Variants in HYCC1 observed in about 807,000 individuals in gnomAD.
The protein encoded by HYCC1 is hyccin.
At chr7:22,970,491 A>T in the HYCC1 span, among the ~76,000 whole-genome samples, 1 of 152,200 alleles carries the variant, frequency 6.6e-6, no homozygotes, top group Non-Finnish European at 1.5e-5. Flanking sequence ...CTAGCAGTTG[A>T]CAGTCTATAT....
At chr7:22,984,092 A>C in the HYCC1 span, 1 of 1,126,014 alleles carries the variant, frequency 8.9e-7, no homozygotes, top group Non-Finnish European at 1.3e-6. Context: ...AAATGTCCAG[A>C]ATAGGCAAAT....
At chr7:22,995,436 C>T in the HYCC1 span, among the ~76,000 whole-genome samples, 16 of 152,162 alleles carry the variant, frequency 1.1e-4, no homozygotes, top group African/African-American at 3.9e-4. Flanking sequence ...TCCTATCTGC[C>T]TCAGCTACTC....
chr7:22,925,388 T>C, the HYCC1 span, among the ~76,000 whole-genome samples: 1 of 152,086 alleles, frequency 6.6e-6, no homozygotes, highest in Non-Finnish European at 1.5e-5. Context: ...TACTCCGAGC[T>C]AAAGGAGGAA....
chr7:23,000,607 G>T, the HYCC1 span, among the ~76,000 whole-genome samples: 1 of 151,810 alleles, frequency 6.6e-6, no homozygotes, highest in African/African-American at 2.4e-5. Context: ...TTATATTTAC[G>T]ACCTTCAACA....
At chr7:22,902,618 T>C in the HYCC1 span, among the ~76,000 whole-genome samples, 1 of 151,998 alleles carries the variant, frequency 6.6e-6, no homozygotes, top group Admixed American at 6.6e-5. Flanking sequence ...AGTCCAGAAA[T>C]ATGCCATATA....
the HYCC1 span, among the ~76,000 whole-genome samples, chr7:22,993,130 T>TCATTTCACAGCATCATTTCCTCACTGAAA: frequency 6.6e-6 from 1 of 152,038 alleles, no homozygotes; most frequent in African/African-American, 2.4e-5. Context: ...TGAAATTCAG[T>TCATTTCACAGCATCATTTCCTCACTGAAA]GAGGAAAGGA....
chr7:22,945,968 G>T, the HYCC1 span: 1 of 1,613,780 alleles, frequency 6.2e-7, no homozygotes, highest in Non-Finnish European at 8.5e-7. Context: ...TTCCCCTGTA[G>T]TTTCTTTTTC....
At chr7:23,009,011 AG>A in the HYCC1 span, among the ~76,000 whole-genome samples, 1 of 152,116 alleles carries the variant, frequency 6.6e-6, no homozygotes, top group African/African-American at 2.4e-5. Context: ...CTGTTTAAAA[AG>A]AAAATTCACA....
At chr7:22,970,122 T>C in the HYCC1 span, among the ~76,000 whole-genome samples, 1 of 152,148 alleles carries the variant, frequency 6.6e-6, no homozygotes, top group Non-Finnish European at 1.5e-5. Context: ...ACATGAAAGA[T>C]TTACAAAGGA....
At chr7:22,900,554 A>T in the HYCC1 span, among the ~76,000 whole-genome samples, 2 of 152,246 alleles carry the variant, frequency 1.3e-5, no homozygotes, top group African/African-American at 2.4e-5. Flanking sequence ...ACTGTATTAA[A>T]AAGGCAAGAT....
At chr7:23,004,138 G>A in the HYCC1 span, among the ~76,000 whole-genome samples, 3 of 152,190 alleles carry the variant, frequency 2.0e-5, no homozygotes, top group African/African-American at 2.4e-5. Flanking sequence ...ATAGCAGAAT[G>A]TAACCTAGAC....
the HYCC1 span, among the ~76,000 whole-genome samples, chr7:22,970,746 C>G: frequency 6.6e-6 from 1 of 152,138 alleles, no homozygotes; most frequent in Non-Finnish European, 1.5e-5. Flanking sequence ...TGATTCCTAT[C>G]TTCAAGGATA....
chr7:22,945,905 T>G, the HYCC1 span: 5 of 1,613,920 alleles, frequency 3.1e-6, no homozygotes, highest in East Asian at 1.1e-4. Flanking sequence ...AAGCTCAAGA[T>G]TCTCACTTTG....
At chr7:22,983,398 C>T in the HYCC1 span, among the ~76,000 whole-genome samples, 16 of 151,786 alleles carry the variant, frequency 1.1e-4, 1 homozygote, top group African/African-American at 3.4e-4. Flanking sequence ...AGAGGAAAGA[C>T]TGGGAAAGGC....
At chr7:22,934,206 CTTTTTTTTTTTTTTTTTTTTTTTTTTTT>C in the HYCC1 span, 5 of 100,182 alleles carry the variant, frequency 5.0e-5, no homozygotes, top group Non-Finnish European at 9.4e-5. Context: ...TCTTTTTTTT[CTTTTTTTTTTTTTTTTTTTTTTTTTTTT>C]CCCTCTCTGA....
chr7:22,973,017 T>A, the HYCC1 span, among the ~76,000 whole-genome samples: 1 of 152,236 alleles, frequency 6.6e-6, no homozygotes, highest in South Asian at 2.1e-4. Flanking sequence ...GTTGTATTTA[T>A]GTATCCTTTC....
At chr7:22,983,411 T>G in the HYCC1 span, among the ~76,000 whole-genome samples, 1 of 152,026 alleles carries the variant, frequency 6.6e-6, no homozygotes, top group African/African-American at 2.4e-5. Flanking sequence ...GGAAAGGCAC[T>G]AGCCGGGCTA....
the HYCC1 span, among the ~76,000 whole-genome samples, chr7:22,966,330 C>T: frequency 1.8e-4 from 27 of 151,996 alleles, no homozygotes; most frequent in Non-Finnish European, 3.4e-4. Context: ...TCCCTCTTGT[C>T]GCCCAGGCTG....
At chr7:23,005,036 A>G in the HYCC1 span, among the ~76,000 whole-genome samples, 5 of 151,754 alleles carry the variant, frequency 3.3e-5, no homozygotes, top group Admixed American at 6.6e-5. Context: ...CGATCTCCTG[A>G]CCTCGCGATC....
Sources: gnomAD v4.1 joint callset for allele counts (sites outside exome capture counted in the v4.1 genomes callset) on GRCh38, gnomAD v4.1.1 for gene constraint, MANE v1.5 for transcripts, NCBI Gene and HGNC (gene_info 2026-07-23, HGNC 2026-07-21) for gene names.